The following BANK1 variants were observed in gnomAD, a reference collection of about 807,000 sequenced individuals.
The protein encoded by BANK1 is B-cell scaffold protein with ankyrin repeats.
Under a neutral mutation model 94.5 loss-of-function variants are expected in BANK1, and 95 were observed. The ratio of observed to expected loss-of-function variants is 1.00; its 90% CI spans 0.85 to 1.19. BANK1 has a LOEUF of 1.19. Ranked by LOEUF, BANK1 falls within the 50% of genes most tolerant of loss-of-function variation. The pLI, the probability that BANK1 is intolerant of heterozygous loss-of-function variation, is 0.00. For missense variants in BANK1, 987 were observed against 932.2 expected (o/e 1.06, Z -0.77); for synonymous variants, 334 against 308.4 (o/e 1.08, Z -0.87).
At chr4:101,861,448 T>C (rs538670538) in intron 3 of BANK1, among the ~76,000 whole-genome samples, 52 of 152,256 alleles carry the variant, frequency 3.4e-4, no homozygotes, top group African/African-American at 1.2e-3. Flanking sequence ...TTGAAACTTA[T>C]TATGACTTGA....
At chr4:101,815,360 A>T (rs1423030686) in intron 1 of BANK1, among the ~76,000 whole-genome samples, 3 of 152,200 alleles carry the variant, frequency 2.0e-5, no homozygotes, top group Non-Finnish European at 4.4e-5. Context: ...ATAAAAATTG[A>T]GGAGTAAGTA....
intron 3 of BANK1, among the ~76,000 whole-genome samples, chr4:101,862,220 G>A (rs1727903810): frequency 6.6e-6 from 1 of 152,058 alleles, no homozygotes; most frequent in Admixed American, 6.6e-5. Context: ...CCCTGGTACA[G>A]AGAGCCATAT....
At chr4:102,044,577 T>C (rs1727815296) in intron 11 of BANK1, among the ~76,000 whole-genome samples, 3 of 128,596 alleles carry the variant, frequency 2.3e-5, no homozygotes, top group Non-Finnish European at 4.9e-5. Context: ...AAATGGTATT[T>C]CCAGTTCTAG....
chr4:101,859,910 G>T (rs1727805816), intron 3 of BANK1, among the ~76,000 whole-genome samples: 1 of 152,180 alleles, frequency 6.6e-6, no homozygotes, highest in Non-Finnish European at 1.5e-5. Context: ...GGAGTAGAGA[G>T]CATGACTCTT....
intron 7 of BANK1, among the ~76,000 whole-genome samples, chr4:101,951,177 A>G (rs978244333): frequency 1.3e-5 from 2 of 152,120 alleles, no homozygotes; most frequent in Admixed American, 1.3e-4. Flanking sequence ...GATGCTAATA[A>G]TGGGGGAAAC....
In BANK1 at chr4:101,875,940, G is replaced by A. The variant is rs531027256; in HGVS notation, c.903+5296G>A. Among the ~76,000 whole-genome samples the A allele has an allele frequency of 2.0e-5, 3 of 152,150 alleles. No homozygotes were observed. The South Asian group carries it at 6.2e-4, about 32-fold the overall frequency. ...AAGCTGGAGTGGCTAAAGGAGTGAC[G>A]GTATCACCCCTCTCCTAACCCCAGA... On this transcript the variant is annotated intron_variant, in intron 5 of 16. Coordinates refer to ENST00000322953, the MANE Select transcript of BANK1 (RefSeq NM_017935.5).
Position 102,025,251 on chromosome 4 carries a change from A to G in BANK1, c.1336A>G (p.Ser446Gly). Reference protein sequence around the residue: ...HHESRKTYGQSADGAEANEME... With the variant: ...HHESRKTYGQGADGAEANEME... ...TGAAAGCAGGAAGACATACGGGCAG[A>G]GTGCAGATGGAGCTGAGGCAAATGA... Residue 446 changes from serine to glycine, a missense_variant, in exon 9 of 17, where the codon AGT becomes GGT. Ser to Gly is a moderately conservative substitution (Grantham distance 56, BLOSUM62 0). Transcript: ENST00000322953. 6.2e-7 allele frequency: 1 copy of G among 1,614,190 alleles called. No homozygotes were observed. Among genetic ancestry groups the G allele is most frequent in the Non-Finnish European group, 8.5e-7 (1 of 1,180,018 alleles).
chr4:101,971,636 G>A (rs1024803173), intron 7 of BANK1, among the ~76,000 whole-genome samples: 1 of 152,044 alleles, frequency 6.6e-6, no homozygotes, highest in African/African-American at 2.4e-5. Context: ...TTACATTTAA[G>A]TATTTATAAT....
At chr4:101,945,102 G>C (rs1723885280) in intron 7 of BANK1, among the ~76,000 whole-genome samples, 2 of 151,776 alleles carry the variant, frequency 1.3e-5, no homozygotes, top group African/African-American at 4.8e-5. Flanking sequence ...ATTGAGTTTG[G>C]GTGCTGTTGA....
At chr4:102,052,073 G>A (rs959519973) in intron 11 of BANK1, among the ~76,000 whole-genome samples, 1 of 149,812 alleles carries the variant, frequency 6.7e-6, no homozygotes, top group Non-Finnish European at 1.5e-5. Flanking sequence ...AACACCAAAA[G>A]CCTTGGTGAA....
chr4:101,811,279 G>T (rs1725723542), intron 1 of BANK1, among the ~76,000 whole-genome samples: 1 of 152,016 alleles, frequency 6.6e-6, no homozygotes, highest in Non-Finnish European at 1.5e-5. Flanking sequence ...TTATTTTATG[G>T]TCTCACTTTA....
chr4:102,051,380 A>T (rs1728041313), intron 11 of BANK1, among the ~76,000 whole-genome samples: 1 of 152,154 alleles, frequency 6.6e-6, no homozygotes, highest in Non-Finnish European at 1.5e-5. Context: ...TACCTTGAAA[A>T]TTTTGTGTAA....
intron 7 of BANK1, among the ~76,000 whole-genome samples, chr4:101,932,612 T>C (rs568272808): frequency 6.6e-5 from 10 of 151,670 alleles, no homozygotes; most frequent in African/African-American, 2.4e-4. Flanking sequence ...GATAAAATTA[T>C]AGCTGATGTA....
At chr4:102,057,681 C>T (rs559281306) in intron 11 of BANK1, among the ~76,000 whole-genome samples, 2 of 152,180 alleles carry the variant, frequency 1.3e-5, no homozygotes, top group South Asian at 4.2e-4. Flanking sequence ...GTGCCATAAA[C>T]TAATTTGGTA....
chr4:101,940,671 C>G (rs1310685157), intron 7 of BANK1, among the ~76,000 whole-genome samples: 1 of 151,698 alleles, frequency 6.6e-6, no homozygotes, highest in Non-Finnish European at 1.5e-5. Flanking sequence ...CCAAGAGGGA[C>G]TTGTCTAATA....
chr4:101,959,144 G>GT (rs11419464), intron 7 of BANK1, among the ~76,000 whole-genome samples: 68,394 of 148,596 alleles, frequency 0.46, 15,706 homozygotes, highest in South Asian at 0.54. Flanking sequence ...GTTTGTTTTT[G>GT]TTTTTTTTTT....
At chr4:101,951,470 C>T (rs974478230) in intron 7 of BANK1, among the ~76,000 whole-genome samples, 3 of 152,042 alleles carry the variant, frequency 2.0e-5, no homozygotes, top group Non-Finnish European at 4.4e-5. Flanking sequence ...AAAACAGTTG[C>T]TTTAACAATT....
At chr4:102,072,746 A>T (rs142702075) in intron 15 of BANK1, among the ~76,000 whole-genome samples, 19 of 152,312 alleles carry the variant, frequency 1.2e-4, no homozygotes, top group African/African-American at 4.3e-4. Flanking sequence ...ACAGTCCTTA[A>T]ACTCTAGGAC....
intron 6 of BANK1, among the ~76,000 whole-genome samples, chr4:101,902,718 C>A (rs967143028): frequency 2.0e-5 from 3 of 152,132 alleles, no homozygotes; most frequent in Non-Finnish European, 4.4e-5. Flanking sequence ...AATAAATATT[C>A]CTTAGTGCTG....
Sources: gnomAD v4.1 joint callset for allele counts (sites outside exome capture counted in the v4.1 genomes callset) on GRCh38, gnomAD v4.1.1 for gene constraint, MANE v1.5 for transcripts, NCBI Gene and HGNC (gene_info 2026-07-23, HGNC 2026-07-21) for gene names.